The following CWH43 variants were observed in gnomAD, a reference collection of about 807,000 sequenced individuals.
CWH43 encodes PGAP2-interacting protein.
Under a neutral mutation model 85.7 loss-of-function variants are expected in CWH43, and 91 were observed. The observed-to-expected ratio is 1.06, with a 90% confidence interval of 0.90 to 1.26. The LOEUF (loss-of-function observed/expected upper bound fraction) is 1.26, where lower values mean the gene tolerates loss of function less well. CWH43 is among the 50% of genes most tolerant of loss of function. The pLI is 0.00. For synonymous variants in CWH43, 323 were observed against 293.6 expected (o/e 1.10, Z -1.02); for missense variants, 869 against 839.2 (o/e 1.04, Z -0.44).
chr4:49,002,361 G>T (rs1401844051), intron 6 of CWH43, among the ~76,000 whole-genome samples: 3 of 152,234 alleles, frequency 2.0e-5, no homozygotes, highest in African/African-American at 7.2e-5. Context: ...AGTATTATAT[G>T]TACATTAAAA....
At position 49,061,982 on chromosome 4, in the gene CWH43, A is replaced by G; in HGVS notation, c.*92A>G. 1.0e-6 allele frequency: 1 copy of G among 993,150 alleles called. No individual in the cohort carries two copies. The highest frequency in any genetic ancestry group is 1.3e-6 in the Non-Finnish European group (1 of 757,586). 61.5% of individuals were successfully genotyped at this position (993,150 alleles called of 1,614,324 possible). A position where few individuals can be genotyped will look rare whatever the true frequency, so the allele number is the denominator to read the frequency against. ...GAGATTAATGAAAGTGGGAAAATAC[A>G]CATGAAGAACCTCAACTTAAAAAAC... is the stretch of plus-strand genomic sequence containing the variant. On this transcript the variant is annotated 3_prime_UTR_variant, in exon 16 of 16. Coordinates refer to ENST00000226432, the MANE Select transcript of CWH43 (RefSeq NM_025087.3).
chr4:49,058,854 GT>G (rs1044298336), intron 15 of CWH43, among the ~76,000 whole-genome samples: 1 of 152,032 alleles, frequency 6.6e-6, no homozygotes, highest in Non-Finnish European at 1.5e-5. Flanking sequence ...TCCCTTGAAT[GT>G]TTTTTCTCTT....
chr4:48,996,916 T>C (rs1782834213), intron 5 of CWH43, among the ~76,000 whole-genome samples: 1 of 152,208 alleles, frequency 6.6e-6, no homozygotes, highest in Non-Finnish European at 1.5e-5. Context: ...CTGTGTTCTG[T>C]GAGATGCTGG....
At chr4:49,003,369 G>T (rs1330076982) in intron 6 of CWH43, among the ~76,000 whole-genome samples, 1 of 152,090 alleles carries the variant, frequency 6.6e-6, no homozygotes, top group Non-Finnish European at 1.5e-5. Context: ...CTAATGTCCT[G>T]CATCTGATTG....
chr4:49,051,453 G>C (rs1049080104), intron 15 of CWH43, among the ~76,000 whole-genome samples: 34 of 152,182 alleles, frequency 2.2e-4, no homozygotes, highest in African/African-American at 8.0e-4. Flanking sequence ...GGACCTCCTG[G>C]GGTGGTATCT....
At chr4:48,990,082 G>C (rs983886742) in intron 2 of CWH43, among the ~76,000 whole-genome samples, 1 of 152,176 alleles carries the variant, frequency 6.6e-6, no homozygotes, top group African/African-American at 2.4e-5. Flanking sequence ...TCCACAGACT[G>C]AGTAGTTACT....
chr4:49,016,622 G>A (rs1560496854), intron 8 of CWH43: 3 of 745,692 alleles, frequency 4.0e-6, no homozygotes, highest in South Asian at 1.4e-5. Flanking sequence ...CCACAAAAGA[G>A]GGCAGATGAC....
intron 14 of CWH43, among the ~76,000 whole-genome samples, chr4:49,049,999 C>T (rs1278276119): frequency 6.6e-6 from 1 of 152,182 alleles, no homozygotes; most frequent in Non-Finnish European, 1.5e-5. Flanking sequence ...TTCCCCAACA[C>T]CCAGAACAGT....
intron 15 of CWH43, among the ~76,000 whole-genome samples, chr4:49,055,696 T>C (rs1784929923): frequency 6.6e-6 from 1 of 151,892 alleles, no homozygotes; most frequent in Non-Finnish European, 1.5e-5. Context: ...TTGAAGCAAT[T>C]CTCCTGCCTC....
intron 15 of CWH43, among the ~76,000 whole-genome samples, chr4:49,052,833 T>C (rs1317715188): frequency 6.6e-6 from 1 of 152,290 alleles, no homozygotes; most frequent in South Asian, 2.1e-4. Flanking sequence ...TTTTCACATA[T>C]ACAATACATT....
chr4:48,998,613 T>A, intron 6 of CWH43, 65 bp downstream of exon 6: 1 of 1,169,338 alleles, frequency 8.6e-7, no homozygotes, highest in Non-Finnish European at 1.3e-6. Context: ...TTTGCAAGCA[T>A]GCGCAACTCG....
rs570710322 is a variant in CWH43, at chr4:49,048,615, C to T, written c.1866-2079C>T. ...CGATAACTGCCTTCTTGCCATGTGC[C>T]CACATGGCCTTTCCTTGGGTTGTGC... On this transcript the variant is annotated intron_variant, in intron 14 of 15. Coordinates refer to ENST00000226432, the MANE Select transcript of CWH43 (RefSeq NM_025087.3). Among the ~76,000 whole-genome samples the T allele has an allele frequency of 3.3e-5, 5 of 151,980 alleles. No individual in the cohort carries two copies. The East Asian group carries it at 9.7e-4, about 30-fold the overall frequency.
chr4:49,046,003 C>G (rs1221890927), intron 14 of CWH43, among the ~76,000 whole-genome samples: 1 of 152,140 alleles, frequency 6.6e-6, no homozygotes, highest in Non-Finnish European at 1.5e-5. Context: ...CTCCCCATCT[C>G]TCCCTTCTCC....
In CWH43 at chr4:49,007,178, ATTCT is replaced by A. The variant is rs1783185625; in HGVS notation, c.1061-14_1061-11del. On this transcript the variant is annotated intron_variant, in intron 7 of 15. Coordinates refer to ENST00000226432, the MANE Select transcript of CWH43 (RefSeq NM_025087.3). ...GGATTTTTGGATCAGACTATAACATATTCTTTCTTTCTCTTATAACAGGGACAAT... is the reference window on the plus strand; with the variant it reads ...GGATTTTTGGATCAGACTATAACATATTCTTTCTCTTATAACAGGGACAAT... The A allele has an allele frequency of 5.0e-6, 8 of 1,596,642 alleles. No homozygotes were observed. The highest frequency in any genetic ancestry group is 1.8e-5 in the Admixed American group (1 of 56,590).
intron 14 of CWH43, among the ~76,000 whole-genome samples, 178 bp downstream of exon 14, chr4:49,045,025 G>A (rs991574505): frequency 6.6e-6 from 1 of 152,132 alleles, no homozygotes; most frequent in Non-Finnish European, 1.5e-5. Context: ...TCAAGGCATA[G>A]TCTCATAATT....
chr4:49,017,015 A>T, intron 8 of CWH43: 1 of 768,808 alleles, frequency 1.3e-6, no homozygotes, highest in East Asian at 2.4e-5. Context: ...TGAAGTCGAT[A>T]TAGGCAGTTG....
intron 4 of CWH43, 130 bp from the exon 5 acceptor site, chr4:48,994,489 C>A: frequency 1.4e-6 from 1 of 710,068 alleles, no homozygotes; most frequent in East Asian, 2.6e-5. Context: ...AGTTGCATGT[C>A]TCATCTCCTC....
intron 14 of CWH43, among the ~76,000 whole-genome samples, chr4:49,050,410 G>A (rs1391373480): frequency 6.6e-6 from 1 of 152,110 alleles, no homozygotes; most frequent in Non-Finnish European, 1.5e-5. Flanking sequence ...TGTGTGGGAG[G>A]CAATTTGTAT....
At position 48,991,737 on chromosome 4, in the gene CWH43, A is replaced by G. The variant is rs1396560861; in HGVS notation, c.356+163A>G. Among the ~76,000 whole-genome samples the G allele has an allele frequency of 4.3e-4, 66 of 152,146 alleles. 1 individual carries two copies. Among genetic ancestry groups the G allele is most frequent in the Admixed American group, 4.3e-3 (66 of 15,264 alleles). On this transcript the variant is annotated intron_variant, in intron 3 of 15. Transcript: ENST00000226432. Reference sequence around the variant, plus strand: ...CAAAACAAGGACATGAATACTTGCCATCAATCTCAATAAGGTTTTGAAAAC... The same window carrying G: ...CAAAACAAGGACATGAATACTTGCCGTCAATCTCAATAAGGTTTTGAAAAC...
Sources: gnomAD v4.1 joint callset for allele counts (sites outside exome capture counted in the v4.1 genomes callset) on GRCh38, gnomAD v4.1.1 for gene constraint, MANE v1.5 for transcripts, NCBI Gene and HGNC (gene_info 2026-07-23, HGNC 2026-07-21) for gene names.